The following OSBPL10 variants were observed in gnomAD, a reference collection of about 807,000 sequenced individuals.
The protein encoded by OSBPL10 is oxysterol binding protein like 10, also known as oxysterol-binding protein-related protein 10.
In OSBPL10, 49 loss-of-function variants were observed where a neutral mutation model predicts 81.7. The ratio of observed to expected loss-of-function variants is 0.60; its 90% CI spans 0.48 to 0.76. The LOEUF (loss-of-function observed/expected upper bound fraction) is 0.76, where lower values mean the gene tolerates loss of function less well. Ranked by LOEUF, OSBPL10 falls within the 30% of genes least tolerant of loss-of-function variation. OSBPL10 has a pLI of 0.00. For missense variants in OSBPL10, 923 were observed against 987.8 expected (o/e 0.93, Z 0.88); for synonymous variants, 419 against 383.6 (o/e 1.09, Z -1.08).
At chr3:31,850,968 G>A (rs184089129) in intron 3 of OSBPL10, among the ~76,000 whole-genome samples, 33 of 152,258 alleles carry the variant, frequency 2.2e-4, no homozygotes, top group African/African-American at 7.5e-4. Flanking sequence ...ATATAATTTG[G>A]TTATTAAGAA....
intron 3 of OSBPL10, among the ~76,000 whole-genome samples, chr3:31,870,808 CTG>C (rs1701303380): frequency 6.6e-6 from 1 of 152,056 alleles, no homozygotes; most frequent in Admixed American, 6.5e-5. Flanking sequence ...AATCAGCACT[CTG>C]TATCTAGCTC....
At chr3:31,900,111 G>A (rs1243715354) in intron 1 of OSBPL10, among the ~76,000 whole-genome samples, 2 of 149,306 alleles carry the variant, frequency 1.3e-5, no homozygotes, top group African/African-American at 4.9e-5. Flanking sequence ...CTGCAGCCTT[G>A]ACTTCCCAGG....
At chr3:31,879,878 T>C (rs914708948) in intron 1 of OSBPL10, 48 bp from the exon 2 acceptor site, 13 of 1,554,868 alleles carry the variant, frequency 8.4e-6, no homozygotes, top group Non-Finnish European at 1.1e-5. Flanking sequence ...TACCCTATTC[T>C]GCACAGCAAA....
chr3:31,790,687 C>T (rs1052681349), intron 4 of OSBPL10, among the ~76,000 whole-genome samples: 1 of 152,066 alleles, frequency 6.6e-6, no homozygotes, highest in Non-Finnish European at 1.5e-5. Flanking sequence ...GAGGTCTGAC[C>T]GCAAAGCCTG....
intron 4 of OSBPL10, among the ~76,000 whole-genome samples, chr3:31,799,825 C>T (rs575841645): frequency 2.6e-5 from 4 of 152,266 alleles, no homozygotes; most frequent in African/African-American, 9.6e-5. Context: ...AATTCTTCTG[C>T]CTCAGCCTCC....
intron 1 of OSBPL10, among the ~76,000 whole-genome samples, chr3:31,900,288 T>TCA (rs1439737965): frequency 6.6e-6 from 1 of 152,076 alleles, no homozygotes; most frequent in African/African-American, 2.4e-5. Context: ...AGAGATCCAC[T>TCA]CACCTTGGCC....
At chr3:31,842,544 A>G (rs1700525440) in intron 3 of OSBPL10, among the ~76,000 whole-genome samples, 1 of 152,240 alleles carries the variant, frequency 6.6e-6, no homozygotes. Flanking sequence ...AGCTCCTACT[A>G]TGGCTTCTGA....
chr3:32,070,027 TC>T (rs549827868), intron 1 of OSBPL10, among the ~76,000 whole-genome samples: 77 of 152,324 alleles, frequency 5.1e-4, no homozygotes, highest in Non-Finnish European at 1.0e-3. Flanking sequence ...AACCCAGTGT[TC>T]CCTGGCTGAC....
chr3:32,012,389 T>G (rs1178218714), intron 2 of OSBPL10, among the ~76,000 whole-genome samples: 2 of 152,100 alleles, frequency 1.3e-5, no homozygotes, highest in Non-Finnish European at 2.9e-5. Flanking sequence ...GACAAGCAAA[T>G]GTTGAGACAT....
intron 5 of OSBPL10, among the ~76,000 whole-genome samples, 181 bp downstream of exon 5, chr3:31,747,729 G>A (rs775516786): frequency 1.6e-4 from 25 of 152,140 alleles, no homozygotes; most frequent in Admixed American, 1.2e-3. Context: ...TGTTACATTT[G>A]TAACTTGTAA....
intron 3 of OSBPL10, among the ~76,000 whole-genome samples, chr3:31,867,278 C>G (rs549831769): frequency 6.6e-6 from 1 of 152,102 alleles, no homozygotes; most frequent in East Asian, 1.9e-4. Context: ...ATTTCTAATG[C>G]GATGAGTATC....
intron 1 of OSBPL10, among the ~76,000 whole-genome samples, chr3:31,979,185 C>T (rs760357255): frequency 2.6e-5 from 4 of 152,152 alleles, no homozygotes; most frequent in Admixed American, 6.5e-5. Flanking sequence ...CCTCTACCTA[C>T]GCATTCTACC....
chr3:31,701,305 T>C (rs1299140572), intron 7 of OSBPL10, among the ~76,000 whole-genome samples: 4 of 152,188 alleles, frequency 2.6e-5, no homozygotes, highest in Non-Finnish European at 5.9e-5. Context: ...GTGCCTTCAG[T>C]GGCTCTGACA....
chr3:31,928,838 C>T (rs796109537), intron 1 of OSBPL10, among the ~76,000 whole-genome samples: 3 of 150,026 alleles, frequency 2.0e-5, no homozygotes, highest in African/African-American at 7.3e-5. Flanking sequence ...AGAAGTTTAA[C>T]TTGAAGCTAC....
intron 2 of OSBPL10, among the ~76,000 whole-genome samples, chr3:32,019,545 A>T (rs1699343724): frequency 6.6e-6 from 1 of 152,228 alleles, no homozygotes; most frequent in Non-Finnish European, 1.5e-5. Context: ...GATCGGTGCC[A>T]ATGTTTAAGT....
intron 1 of OSBPL10, among the ~76,000 whole-genome samples, chr3:31,889,658 G>C (rs1359460906): frequency 6.6e-6 from 1 of 152,060 alleles, no homozygotes; most frequent in Non-Finnish European, 1.5e-5. Context: ...GGCTGGGAAG[G>C]GTTGGGGGAA....
At chr3:31,812,792 A>AAGAAAGAAAGAAAGAAAGAG (rs1699733448) in intron 4 of OSBPL10, among the ~76,000 whole-genome samples, 1 of 54,132 alleles carries the variant, frequency 1.8e-5, no homozygotes, top group Non-Finnish European at 3.5e-5. Context: ...GAAAGAAAGA[A>AAGAAAGAAAGAAAGAAAGAG]AGAAAGAAAG....
At chr3:31,878,713 A>G (rs1236638054) in intron 2 of OSBPL10, among the ~76,000 whole-genome samples, 1 of 152,168 alleles carries the variant, frequency 6.6e-6, no homozygotes, top group Non-Finnish European at 1.5e-5. Flanking sequence ...AGTCAAAAGA[A>G]AATGTTACAT....
intron 4 of OSBPL10, among the ~76,000 whole-genome samples, chr3:31,757,130 A>G (rs187485167): frequency 8.7e-4 from 132 of 152,270 alleles, no homozygotes; most frequent in Non-Finnish European, 1.6e-3. Context: ...AAATAGGGGG[A>G]AAATATATTT....
Sources: allele counts gnomAD v4.1 joint callset (sites outside exome capture counted in the v4.1 genomes callset), GRCh38; gene constraint gnomAD v4.1.1; transcripts MANE v1.5; gene names NCBI Gene and HGNC (gene_info 2026-07-23, HGNC 2026-07-21).